Variants in HP1BP3 observed in about 807,000 individuals in gnomAD.
The protein encoded by HP1BP3 is heterochromatin protein 1-binding protein 3.
HP1BP3 carries 12 observed loss-of-function variants against 62.5 expected under a neutral mutation model. The observed-to-expected ratio is 0.19, with a 90% CI of 0.12 to 0.31. The LOEUF (loss-of-function observed/expected upper bound fraction) is 0.31. Among genes scored for constraint, HP1BP3 ranks in the 10% least tolerant of loss-of-function variants. The pLI is 1.00. For synonymous variants in HP1BP3, 260 were observed against 237.8 expected (o/e 1.09, Z -0.86); for missense variants, 502 against 651.8 (o/e 0.77, Z 2.50).
chr1:20,757,064 A>G (rs1423324365), intron 9 of HP1BP3, 102 bp downstream of exon 9: 2 of 654,472 alleles, frequency 3.1e-6, no homozygotes, highest in African/African-American at 3.7e-5. Flanking sequence ...CACATAAACA[A>G]AAGTTCTTTG....
At chr1:20,780,034 C>T in intron 2 of HP1BP3, 123 bp from the exon 3 acceptor site, 2 of 690,686 alleles carry the variant, frequency 2.9e-6, no homozygotes, top group Non-Finnish European at 4.7e-6. Context: ...GGATCTGATG[C>T]AAATTACTTT....
At chr1:20,782,777 G>T (rs947384075) in intron 1 of HP1BP3, among the ~76,000 whole-genome samples, 1 of 151,758 alleles carries the variant, frequency 6.6e-6, no homozygotes, top group African/African-American at 2.4e-5. Context: ...GTGCGCGCCT[G>T]TAATCCCAGA....
In HP1BP3 at chr1:20,776,685, C is replaced by G. The variant is rs181413441; in HGVS notation, c.262G>C (p.Ala88Pro). The G allele has an allele frequency of 1.5e-4, 243 of 1,613,834 alleles. No individual in the cohort carries two copies. Among genetic ancestry groups the G allele is most frequent in the Middle Eastern group, 5.0e-4 (3 of 6,058 alleles). ...GGCTGCTCTGCCTCACTCGAAGTAG[C>G]AGGTGGAGTTTCATTCTCTTGTTCT... ...VEEQENETPP[A>P]TSSEAEQPKG... Residue 88 changes from alanine to proline, a missense_variant, in exon 4 of 13, where the codon GCT becomes CCT. Around this residue, in one of 5 missense-constraint regions of HP1BP3, gnomAD observed 165 missense variants for 156.4 expected, o/e 1.05. Transcript: ENST00000438032.
At chr1:20,776,017 A>T in intron 4 of HP1BP3, 2 of 1,498,818 alleles carry the variant, frequency 1.3e-6, no homozygotes, top group Non-Finnish European at 1.8e-6. Flanking sequence ...TGCAAAAAAA[A>T]AAAAAAAAAA....
At position 20,760,226 on chromosome 1, in the gene HP1BP3, C is replaced by T. The variant is rs188799337; in HGVS notation, c.891-2970G>A. Among the ~76,000 whole-genome samples, 35 of 152,200 alleles carry T rather than the reference C, an allele frequency of 2.3e-4. 1 individual carries two copies. The South Asian group carries it at 5.0e-3, about 22-fold the overall frequency. ...TTTAACTGTGACGGGATTGGGAAGA[C>T]ACTGAATGTTTGAGTAGAAAGGCGA... On this transcript the variant is annotated intron_variant, in intron 8 of 12. Transcript: ENST00000438032.
intron 1 of HP1BP3, among the ~76,000 whole-genome samples, chr1:20,782,356 G>C (rs549531172): frequency 1.3e-5 from 2 of 151,994 alleles, no homozygotes; most frequent in Non-Finnish European, 2.9e-5. Flanking sequence ...GGCTAAGGTA[G>C]GAGGTTCACT....
At chr1:20,780,146 T>C (rs2057478152) in intron 2 of HP1BP3, among the ~76,000 whole-genome samples, 199 bp downstream of exon 2, 1 of 152,152 alleles carries the variant, frequency 6.6e-6, no homozygotes, top group Admixed American at 6.5e-5. Flanking sequence ...TTATAGTTGA[T>C]TTGCTATAAA....
intron 7 of HP1BP3, 27 bp from the exon 8 acceptor site, chr1:20,765,558 A>G: frequency 6.3e-7 from 1 of 1,580,102 alleles, no homozygotes; most frequent in Non-Finnish European, 8.7e-7. Flanking sequence ...AAAAATTATG[A>G]TCATTATAGA....
intron 8 of HP1BP3, among the ~76,000 whole-genome samples, chr1:20,764,873 C>T (rs1271461355): frequency 6.7e-6 from 1 of 150,022 alleles, no homozygotes; most frequent in Non-Finnish European, 1.5e-5. Flanking sequence ...AAGACTTCAT[C>T]TCAAAAAAAA....
chr1:20,749,968 C>A, intron 9 of HP1BP3, 86 bp from the exon 10 acceptor site: 2 of 1,528,554 alleles, frequency 1.3e-6, no homozygotes, highest in South Asian at 2.6e-5. Flanking sequence ...CCAGGTGGGT[C>A]GGAGTTCCTG....
intron 8 of HP1BP3, among the ~76,000 whole-genome samples, chr1:20,761,723 A>G (rs67190425): frequency 0.028 from 4,265 of 152,342 alleles, 93 homozygotes; most frequent in Middle Eastern, 0.048. Flanking sequence ...TGTGGACATA[A>G]AAGATGAGAG....
At chr1:20,753,675 T>C (rs1214158123) in intron 9 of HP1BP3, among the ~76,000 whole-genome samples, 1 of 152,220 alleles carries the variant, frequency 6.6e-6, no homozygotes, top group Admixed American at 6.5e-5. Context: ...ATTCACTGAT[T>C]AGGGTTTCAG....
chr1:20,771,600 A>G (rs754369004), intron 5 of HP1BP3, among the ~76,000 whole-genome samples: 3 of 152,220 alleles, frequency 2.0e-5, no homozygotes, highest in Admixed American at 6.5e-5. Context: ...GTAATAGTGA[A>G]GGTGTTCTAT....
chr1:20,771,579 G>C (rs368796420), intron 5 of HP1BP3, among the ~76,000 whole-genome samples: 84 of 152,312 alleles, frequency 5.5e-4, no homozygotes, highest in African/African-American at 1.9e-3. Flanking sequence ...AGTGCTGAAG[G>C]AGAGTTTTGG....
Position 20,744,183 on chromosome 1 carries a change from T to C in HP1BP3, c.*614A>G, listed in dbSNP as rs1240869058. The C allele has an allele frequency of 1.3e-5, 2 of 152,624 alleles. No homozygotes were observed. Among genetic ancestry groups the C allele is most frequent in the South Asian group, 2.1e-4 (1 of 4,828 alleles). The allele number at this position is 152,624 out of a possible 1,614,324, so 9.5% of individuals were successfully genotyped here. A position where few individuals can be genotyped will look rare whatever the true frequency, so the allele number is the denominator to read the frequency against. ...AAAAATACCTAGAAATTGATCAATA[T>C]GAAATGTAGCCCAAAGGAGTCATAT... is the stretch of plus-strand genomic sequence containing the variant. On this transcript the variant is annotated 3_prime_UTR_variant, in exon 13 of 13. Coordinates refer to ENST00000438032, the MANE Select transcript of HP1BP3 (RefSeq NM_001372052.1).
intron 8 of HP1BP3, among the ~76,000 whole-genome samples, chr1:20,759,300 T>C (rs751206411): frequency 3.3e-5 from 5 of 152,108 alleles, no homozygotes; most frequent in Non-Finnish European, 5.9e-5. Context: ...CTTGGGAGGC[T>C]GATGAGGCAG....
At chr1:20,774,220 T>C (rs1365804351) in intron 4 of HP1BP3, 4 of 152,204 alleles carry the variant, frequency 2.6e-5, no homozygotes, top group Non-Finnish European at 5.9e-5. Flanking sequence ...CAACAGACGA[T>C]AGGCTGGGTG....
chr1:20,761,468 T>C (rs942142535), intron 8 of HP1BP3, among the ~76,000 whole-genome samples: 2 of 152,156 alleles, frequency 1.3e-5, no homozygotes, highest in Admixed American at 1.3e-4. Flanking sequence ...AGGATAATAT[T>C]GTCATGAACT....
chr1:20,751,542 T>C (rs1317126737), intron 9 of HP1BP3, among the ~76,000 whole-genome samples: 4 of 151,876 alleles, frequency 2.6e-5, no homozygotes, highest in Non-Finnish European at 5.9e-5. Flanking sequence ...CTCGGCAACA[T>C]AGTGAGACTC....
Sources: allele counts gnomAD v4.1 joint callset (sites outside exome capture counted in the v4.1 genomes callset), GRCh38; gene constraint gnomAD v4.1.1; regional missense constraint gnomAD v4.1.1; transcripts MANE v1.5; gene names NCBI Gene and HGNC (gene_info 2026-07-23, HGNC 2026-07-21).